MADCAM1: variants seen among roughly 807,000 people sequenced by gnomAD.
MADCAM1 encodes the protein mucosal addressin cell adhesion molecule 1.
MADCAM1 carries 19 observed loss-of-function variants against 26.1 expected under a neutral mutation model. That is an observed-to-expected ratio of 0.73 (90% CI 0.51 to 1.07). MADCAM1 has a LOEUF of 1.07. Ranked by LOEUF, MADCAM1 falls within the 50% of genes least tolerant of loss-of-function variation. The pLI is 0.00. For missense variants in MADCAM1, 514 were observed against 542.1 expected (o/e 0.95, Z 0.51); for synonymous variants, 268 against 260.9 (o/e 1.03, Z -0.26).
chr19:502,336 C>G (rs2145823051), intron 4 of MADCAM1, among the ~76,000 whole-genome samples: 1 of 151,928 alleles, frequency 6.6e-6, no homozygotes, highest in East Asian at 1.9e-4. Flanking sequence ...GAGTCTCGCT[C>G]TGTCCCCCAG....
chr19:496,635 G>A, intron 1 of MADCAM1, 84 bp downstream of exon 1: 2 of 862,492 alleles, frequency 2.3e-6, no homozygotes, highest in Non-Finnish European at 2.9e-6. Flanking sequence ...GAGGGGAGGG[G>A]GCTCAGGAGA....
At chr19:502,371 G>A (rs1450316754) in intron 4 of MADCAM1, among the ~76,000 whole-genome samples, 16 of 151,726 alleles carry the variant, frequency 1.1e-4, no homozygotes, top group African/African-American at 7.3e-5. Context: ...GTGCAACCTC[G>A]ACTCATTGCA....
In MADCAM1 at chr19:497,937, G is replaced by A. The variant is rs1286572891; in HGVS notation, c.157G>A (p.Asp53Asn). 5.6e-6 allele frequency: 8 copies of A among 1,425,834 alleles called. No individual in the cohort carries two copies. The highest frequency in any genetic ancestry group is 1.4e-5 in the South Asian group (1 of 69,684). The allele number at this position is 1,425,834 out of a possible 1,614,324, so 88.3% of individuals were successfully genotyped here. The change falls in exon 2 of 5, where the codon GAC becomes AAC. Residue 53 changes from aspartate (D) to asparagine (N), a missense_variant. Transcript: ENST00000215637. Reference sequence around the variant, plus strand: ...GCTCACCTGCCGCCTGGCCTGCGCGGACCGCGGGGCCTCGGTGCAGTGGCG... The same window carrying A: ...GCTCACCTGCCGCCTGGCCTGCGCGAACCGCGGGGCCTCGGTGCAGTGGCG... ...RQLTCRLACA[D>N]RGASVQWRGL...
chr19:498,122 G>C lies in MADCAM1; in HGVS notation c.337+5G>C, dbSNP rs1313347173. On this transcript the variant is annotated splice_donor_5th_base_variant and intron_variant, in intron 2 of 4. Transcript: ENST00000215637. ...CCGTGCAGCTCCTTGTGTACGGTGA[G>C]GCGTCCCCCCGCGCCCTGCCTCTCT... The C allele has an allele frequency of 6.6e-5, 87 of 1,319,992 alleles. No individual in the cohort carries two copies. Among genetic ancestry groups the C allele is most frequent in the Non-Finnish European group, 8.4e-5 (87 of 1,034,830 alleles). 81.8% of individuals were successfully genotyped at this position (1,319,992 alleles called of 1,614,324 possible).
chr19:498,345 G>C, intron 2 of MADCAM1, 151 bp from the exon 3 acceptor site: 3 of 930,932 alleles, frequency 3.2e-6, no homozygotes, highest in African/African-American at 1.7e-5. Flanking sequence ...GTGGGGCCAC[G>C]GGGCCTGCGC....
intron 4 of MADCAM1, among the ~76,000 whole-genome samples, chr19:502,761 G>A (rs779992414): frequency 6.6e-6 from 1 of 152,220 alleles, no homozygotes; most frequent in Non-Finnish European, 1.5e-5. Flanking sequence ...AGGAAAAGCA[G>A]ACATATTTAT....
In MADCAM1 at chr19:497,882, G is replaced by T; in HGVS notation, c.102G>T (p.Val34=). The T allele has an allele frequency of 1.8e-5, 24 of 1,353,968 alleles. No individual in the cohort carries two copies. Among genetic ancestry groups the T allele is most frequent in the Non-Finnish European group, 2.1e-5 (22 of 1,061,042 alleles). The allele number at this position is 1,353,968 out of a possible 1,614,324, so 83.9% of individuals were successfully genotyped here. A position where few individuals can be genotyped will look rare whatever the true frequency, so the allele number is the denominator to read the frequency against. ...TGCAGGTGGAGCCCCCGGAGCCGGT[G>T]GTGGCCGTGGCCTTGGGCGCCTCGC... ...KPLQVEPPEP[V]VAVALGASRQ... Residue 34 remains valine (V), a synonymous_variant, in exon 2 of 5, where the codon GTG becomes GTT. Coordinates refer to ENST00000215637, the MANE Select transcript of MADCAM1 (RefSeq NM_130760.3).
At chr19:501,616 G>C in intron 3 of MADCAM1, 53 bp from the exon 4 acceptor site, 3 of 1,530,928 alleles carry the variant, frequency 2.0e-6, no homozygotes, top group Non-Finnish European at 2.6e-6. Flanking sequence ...TGAGGCAGGA[G>C]AGGCAAGCCT....
rs753282801 is a variant in MADCAM1 at position 501,853 on chromosome 19, C to A, written c.852C>A (p.Ser284Arg). 6.4e-7 allele frequency: 1 copy of A among 1,558,102 alleles called. No individual in the cohort carries two copies. The highest frequency in any genetic ancestry group is 1.2e-5 in the South Asian group (1 of 84,788). ...AGGGCTCCACACACACCCCCAGGAG[C>A]CCAGGCTCCACCAGGACTCGCCGCC... The part of the protein sequence containing the change: ...PQQGSTHTPR[S>R]PGSTRTRRPE... Residue 284 changes from serine to arginine, a missense_variant, in exon 4 of 5, where the codon AGC (serine) becomes AGA (arginine). Ser to Arg is a moderately radical substitution (Grantham distance 110, BLOSUM62 -1). Transcript: ENST00000215637.
In MADCAM1 at chr19:498,578, G is replaced by A. The variant is rs752248540; in HGVS notation, c.420G>A (p.Thr140=). 1 of 1,480,062 alleles carries A rather than the reference G, an allele frequency of 6.8e-7. No homozygotes were observed. The highest frequency in any genetic ancestry group is 8.9e-7 in the Non-Finnish European group (1 of 1,119,438). 91.7% of individuals were successfully genotyped at this position (1,480,062 alleles called of 1,614,324 possible). The change falls in exon 3 of 5, where the codon ACG becomes ACA. Residue 140 remains threonine, a synonymous_variant. Transcript: ENST00000215637. ...TGGCCTGTACGGCCCACAAAGTCAC[G>A]CCCGTGGACCCCAACGCGCTCTCCT... is the stretch of plus-strand genomic sequence containing the variant. ...PEVACTAHKV[T]PVDPNALSFS...
intron 3 of MADCAM1, chr19:499,793 G>C (rs1482634548): frequency 2.2e-6 from 1 of 456,364 alleles, no homozygotes; most frequent in East Asian, 7.0e-5. Context: ...CATTTAATGT[G>C]GGCCGGTGCC....
In MADCAM1 at chr19:498,455, T is replaced by C. The variant is rs760518723; in HGVS notation, c.338-41T>C. 1.5e-4 allele frequency: 209 copies of C among 1,433,568 alleles called. No homozygotes were observed. In the East Asian group the frequency reaches 5.6e-3, roughly 38 times the overall value. 88.8% of individuals were successfully genotyped at this position (1,433,568 alleles called of 1,614,324 possible). A position where few individuals can be genotyped will look rare whatever the true frequency, so the allele number is the denominator to read the frequency against. On this transcript the variant is annotated intron_variant, in intron 2 of 4. Coordinates refer to ENST00000215637, the MANE Select transcript of MADCAM1 (RefSeq NM_130760.3). ...CCGGCCCCTCCATCACGTCCAGCCCTGACTCTGGGCTCAGCCCTCACCCCC... is the reference window on the plus strand; with the variant it reads ...CCGGCCCCTCCATCACGTCCAGCCCCGACTCTGGGCTCAGCCCTCACCCCC...
At chr19:499,248 C>T (rs1314787919) in intron 3 of MADCAM1, 1 of 468,676 alleles carries the variant, frequency 2.1e-6, no homozygotes, top group Non-Finnish European at 4.2e-6. Flanking sequence ...CGGCTGTGCC[C>T]TCTGCCGGGA....
At chr19:504,130 T>A (rs1289675291) in intron 4 of MADCAM1, among the ~76,000 whole-genome samples, 2 of 151,608 alleles carry the variant, frequency 1.3e-5, no homozygotes, top group Non-Finnish European at 2.9e-5. Context: ...CAACAGGTAA[T>A]CAATATAAAA....
Position 498,103 on chromosome 19 carries a change from A to G in MADCAM1, c.323A>G (p.Gln108Arg). 2.2e-6 allele frequency: 3 copies of G among 1,382,054 alleles called. No homozygotes were observed. Among genetic ancestry groups the G allele is most frequent in the South Asian group, 1.6e-5 (1 of 60,788 alleles). 85.6% of individuals were successfully genotyped at this position (1,382,054 alleles called of 1,614,324 possible). Residue 108 changes from glutamine to arginine, a missense_variant, in exon 2 of 5, where the codon CAG becomes CGG. This residue lies in a region of MADCAM1 where 317 missense variants were observed against 313.6 expected (regional missense o/e 1.01). Coordinates refer to ENST00000215637, the MANE Select transcript of MADCAM1 (RefSeq NM_130760.3). ...CGGRTFQHTV[Q>R]LLVYAFPDQL... is the part of the protein sequence containing the mutation. ...GGCCGCACCTTCCAGCACACCGTGCAGCTCCTTGTGTACGGTGAGGCGTCC... is the reference window on the plus strand; with the variant it reads ...GGCCGCACCTTCCAGCACACCGTGCGGCTCCTTGTGTACGGTGAGGCGTCC...
chr19:504,657 C>T, intron 4 of MADCAM1, 88 bp from the exon 5 acceptor site: 2 of 883,930 alleles, frequency 2.3e-6, no homozygotes, highest in South Asian at 1.7e-5. Context: ...ACTTTGGAAG[C>T]ACGTGTAGCC....
intron 3 of MADCAM1, among the ~76,000 whole-genome samples, chr19:501,230 A>C (rs1049801641): frequency 7.3e-5 from 11 of 150,908 alleles, no homozygotes; most frequent in African/African-American, 2.7e-4. Context: ...TCACGCCTGT[A>C]ATCCCAGCAC....
chr19:503,223 C>T (rs189770491), intron 4 of MADCAM1, among the ~76,000 whole-genome samples: 102 of 152,118 alleles, frequency 6.7e-4, no homozygotes, highest in Admixed American at 9.8e-4. Context: ...GGAGGTAGAG[C>T]TTGCAGTGAG....
At chr19:501,087 G>T (rs1256948340) in intron 3 of MADCAM1, among the ~76,000 whole-genome samples, 1 of 152,044 alleles carries the variant, frequency 6.6e-6, no homozygotes, top group East Asian at 1.9e-4. Context: ...TACTCAGGAG[G>T]CTGAGTGGGG....
Sources: allele counts gnomAD v4.1 joint callset (sites outside exome capture counted in the v4.1 genomes callset), GRCh38; gene constraint gnomAD v4.1.1; regional missense constraint gnomAD v4.1.1; transcripts MANE v1.5; gene names NCBI Gene and HGNC (gene_info 2026-07-23, HGNC 2026-07-21).